NRXN3: variants seen among roughly 807,000 people sequenced by gnomAD.
The protein encoded by NRXN3 is neurexin III.
In NRXN3, 32 loss-of-function variants were observed where a neutral mutation model predicts 137.6. That is an observed-to-expected ratio of 0.23 (90% CI 0.18 to 0.31). The LOEUF is 0.31. Ranked by LOEUF, NRXN3 falls within the 10% of genes least tolerant of loss-of-function variation. The pLI, the probability that NRXN3 is intolerant of heterozygous loss-of-function variation, is 1.00. For missense variants in NRXN3, 1,574 were observed against 2,062.5 expected, an observed-to-expected ratio of 0.76 and a Z score of 4.59; for synonymous variants, 798 against 784.5, an observed-to-expected ratio of 1.02 and a Z score of -0.29.
intron 15 of NRXN3, among the ~76,000 whole-genome samples, chr14:79,390,316 CAAA>C (rs34101631): frequency 2.7e-5 from 3 of 109,636 alleles, no homozygotes; most frequent in Admixed American, 9.2e-5. Flanking sequence ...GACTCTGTCT[CAAA>C]AAAAAAAAAA....
intron 16 of NRXN3, among the ~76,000 whole-genome samples, chr14:79,596,664 G>A (rs1357653823): frequency 6.6e-6 from 1 of 152,074 alleles, no homozygotes; most frequent in African/African-American, 2.4e-5. Context: ...TCTGTGTGGG[G>A]GAGAAATTTA....
At chr14:78,529,956 A>G (rs2153810525) in intron 4 of NRXN3, among the ~76,000 whole-genome samples, 1 of 152,362 alleles carries the variant, frequency 6.6e-6, no homozygotes, top group South Asian at 2.1e-4. Flanking sequence ...TCTCTGCTGT[A>G]CAAATAGGAA....
At chr14:78,326,399 A>G (rs983671618) in intron 4 of NRXN3, among the ~76,000 whole-genome samples, 6 of 152,208 alleles carry the variant, frequency 3.9e-5, no homozygotes, top group African/African-American at 1.4e-4. Context: ...ACTCTGTGAA[A>G]AGAATGAGCT....
At chr14:79,144,624 A>G (rs775662699) in intron 15 of NRXN3, among the ~76,000 whole-genome samples, 2 of 152,214 alleles carry the variant, frequency 1.3e-5, no homozygotes, top group East Asian at 1.9e-4. Flanking sequence ...GATGTTGTCA[A>G]TGTACAAAGT....
At chr14:78,735,837 GT>G (rs2098538762) in intron 8 of NRXN3, among the ~76,000 whole-genome samples, 1 of 152,174 alleles carries the variant, frequency 6.6e-6, no homozygotes, top group African/African-American at 2.4e-5. Context: ...TTAGAAGTCA[GT>G]TTTCTAGTCT....
chr14:79,464,159 G>A (rs1166030193), intron 15 of NRXN3, among the ~76,000 whole-genome samples: 3 of 152,102 alleles, frequency 2.0e-5, no homozygotes, highest in Non-Finnish European at 4.4e-5. Flanking sequence ...GACTATGGGA[G>A]CATTCAGGGC....
chr14:79,737,586 C>T (rs896995782), intron 19 of NRXN3, among the ~76,000 whole-genome samples: 1 of 152,108 alleles, frequency 6.6e-6, no homozygotes, highest in Admixed American at 6.5e-5. Flanking sequence ...CTAATTGCTG[C>T]CACTTTTTCG....
intron 6 of NRXN3, among the ~76,000 whole-genome samples, chr14:78,693,656 CG>C (rs2098195386): frequency 1.8e-5 from 2 of 113,930 alleles, no homozygotes; most frequent in African/African-American, 3.3e-5. Context: ...AGTTGATTTT[CG>C]TGTGTGTGTG....
chr14:79,616,180 A>T (rs1344590874), intron 16 of NRXN3, among the ~76,000 whole-genome samples: 2 of 152,200 alleles, frequency 1.3e-5, no homozygotes, highest in African/African-American at 4.8e-5. Context: ...ATTGATTAGA[A>T]GGAAGCCAGA....
intron 1 of NRXN3, among the ~76,000 whole-genome samples, chr14:78,181,313 A>C (rs1310980799): frequency 2.0e-5 from 3 of 152,332 alleles, no homozygotes; most frequent in South Asian, 2.1e-4. Context: ...AATCTGCATG[A>C]TAAGCAAGCA....
chr14:78,727,463 C>T (rs986111679), intron 8 of NRXN3, among the ~76,000 whole-genome samples: 10 of 152,134 alleles, frequency 6.6e-5, no homozygotes, highest in African/African-American at 2.4e-4. Flanking sequence ...ATGCTTTGGG[C>T]CAGGCACGGT....
chr14:79,315,253 T>C (rs1049788615), intron 15 of NRXN3, among the ~76,000 whole-genome samples: 4 of 152,214 alleles, frequency 2.6e-5, no homozygotes, highest in African/African-American at 7.2e-5. Context: ...CAAGTCTTCA[T>C]AGCAATCTCA....
chr14:79,445,417 A>G (rs2096046799), intron 15 of NRXN3, among the ~76,000 whole-genome samples: 2 of 152,194 alleles, frequency 1.3e-5, no homozygotes, highest in African/African-American at 4.8e-5. Context: ...TGGGCTAGAT[A>G]TTAATTAGAT....
At chr14:78,482,316 C>G (rs2095487016) in intron 4 of NRXN3, among the ~76,000 whole-genome samples, 1 of 152,110 alleles carries the variant, frequency 6.6e-6, no homozygotes, top group Non-Finnish European at 1.5e-5. Flanking sequence ...TTGATCTGCC[C>G]CATTGAGGTA....
chr14:79,130,154 A>C (rs2057232992), intron 15 of NRXN3, among the ~76,000 whole-genome samples: 1 of 150,828 alleles, frequency 6.6e-6, no homozygotes, highest in Admixed American at 6.6e-5. Flanking sequence ...TGTGTCTTTT[A>C]ATTGGAGCAT....
chr14:78,651,025 C>T (rs994274150), intron 5 of NRXN3, 140 bp from the exon 6 acceptor site: 2 of 858,142 alleles, frequency 2.3e-6, no homozygotes, highest in Non-Finnish European at 3.5e-6. Flanking sequence ...GCTGCACATA[C>T]CAAAATCAAA....
chr14:78,265,235 A>G (rs1331055307), intron 2 of NRXN3, among the ~76,000 whole-genome samples: 1 of 152,074 alleles, frequency 6.6e-6, no homozygotes, highest in Admixed American at 6.5e-5. Context: ...TTTTTTTTCA[A>G]GGTGCACCTG....
intron 15 of NRXN3, among the ~76,000 whole-genome samples, chr14:79,140,909 C>T (rs758019157): frequency 2.0e-5 from 3 of 152,042 alleles, no homozygotes; most frequent in Admixed American, 6.6e-5. Flanking sequence ...CCTGAATAAA[C>T]ATACAAACAC....
At chr14:78,906,985 T>A (rs1438635976) in intron 10 of NRXN3, among the ~76,000 whole-genome samples, 1 of 151,972 alleles carries the variant, frequency 6.6e-6, no homozygotes, top group East Asian at 1.9e-4. Context: ...TGGGCTGAGA[T>A]ACACTCCTTA....
Sources: allele counts gnomAD v4.1 joint callset (sites outside exome capture counted in the v4.1 genomes callset), GRCh38; gene constraint gnomAD v4.1.1; transcripts MANE v1.5; gene names NCBI Gene and HGNC (gene_info 2026-07-23, HGNC 2026-07-21).